Variants in RNLS observed in about 807,000 individuals in gnomAD.
RNLS encodes renalase.
A neutral mutation model predicts 39.8 loss-of-function variants in RNLS; 39 were observed. That is an observed-to-expected ratio of 0.98 (90% CI 0.76 to 1.28). The LOEUF (loss-of-function observed/expected upper bound fraction) is 1.28. Among genes scored for constraint, RNLS ranks in the 50% most tolerant of loss-of-function variants. The pLI, the probability that RNLS is intolerant of heterozygous loss-of-function variation, is 0.00. For synonymous variants in RNLS, 147 were observed against 150.7 expected (o/e 0.98, Z 0.18); for missense variants, 410 against 413.3 (o/e 0.99, Z 0.07).
chr10:88,324,037 A>T (rs142013858), intron 5 of RNLS, among the ~76,000 whole-genome samples: 354 of 152,300 alleles, frequency 2.3e-3, no homozygotes, highest in African/African-American at 7.8e-3. Context: ...ATGAGTTACC[A>T]TCTCACACCA....
intron 6 of RNLS, among the ~76,000 whole-genome samples, chr10:88,313,827 A>G (rs935004729): frequency 1.3e-5 from 2 of 152,210 alleles, no homozygotes; most frequent in Non-Finnish European, 2.9e-5. Flanking sequence ...TTTTTCTATG[A>G]ATACTCACTT....
At chr10:88,532,630 G>T (rs1038178187) in intron 4 of RNLS, among the ~76,000 whole-genome samples, 4 of 152,014 alleles carry the variant, frequency 2.6e-5, no homozygotes, top group African/African-American at 9.7e-5. Context: ...TGGTAGATCA[G>T]ATATGTACTC....
chr10:88,503,814 T>C (rs1845634695), intron 4 of RNLS, among the ~76,000 whole-genome samples: 2 of 152,216 alleles, frequency 1.3e-5, no homozygotes, highest in African/African-American at 2.4e-5. Context: ...GACTCACTTC[T>C]AGTTTATAAA....
intron 4 of RNLS, among the ~76,000 whole-genome samples, chr10:88,386,175 A>G (rs766608451): frequency 6.6e-6 from 1 of 152,218 alleles, no homozygotes; most frequent in Non-Finnish European, 1.5e-5. Context: ...AACAAAAAAT[A>G]TAATTTAACA....
intron 5 of RNLS, among the ~76,000 whole-genome samples, chr10:88,319,002 C>T (rs1251554991): frequency 6.6e-6 from 1 of 152,210 alleles, no homozygotes; most frequent in Non-Finnish European, 1.5e-5. Flanking sequence ...TTGAACTCCA[C>T]CACCAAATAA....
At chr10:88,314,300 A>C (rs1845592602) in intron 6 of RNLS, among the ~76,000 whole-genome samples, 166 bp downstream of exon 6, 1 of 152,336 alleles carries the variant, frequency 6.6e-6, no homozygotes, top group South Asian at 2.1e-4. Context: ...GCAGGACCAT[A>C]AAACCCATAG....
chr10:88,267,764 C>A, the RNLS span, among the ~76,000 whole-genome samples: 1 of 152,074 alleles, frequency 6.6e-6, no homozygotes, highest in Non-Finnish European at 1.5e-5. Flanking sequence ...TGGCCAATGG[C>A]AGAAAGGCTC....
Position 88,549,867 on chromosome 10 carries a change from T to C in RNLS, c.526+23036A>G, listed in dbSNP as rs139343046. On this transcript the variant is annotated intron_variant, in intron 4 of 6. Coordinates refer to ENST00000331772, the MANE Select transcript of RNLS (RefSeq NM_001031709.3). The stretch of plus-strand genomic sequence containing the variant: ...AAATCTGTTTTTTAAAACTTCTCCA[T>C]GTATAAAATATTATTAGATTTAAAA... Among the ~76,000 whole-genome samples, 23 of 152,350 alleles carry C rather than the reference T, an allele frequency of 1.5e-4. No homozygotes were observed. The East Asian group carries it at 3.7e-3, about 24-fold the overall frequency.
At chr10:88,495,476 A>G (rs1015967191) in intron 4 of RNLS, among the ~76,000 whole-genome samples, 3 of 152,194 alleles carry the variant, frequency 2.0e-5, no homozygotes, top group African/African-American at 7.2e-5. Flanking sequence ...TTCAGATATT[A>G]TCTTTGTAAA....
intron 4 of RNLS, among the ~76,000 whole-genome samples, chr10:88,500,107 T>A (rs1280231236): frequency 1.3e-5 from 2 of 152,148 alleles, no homozygotes; most frequent in Non-Finnish European, 2.9e-5. Context: ...TAACGGTGTT[T>A]ACTAAGCAGG....
intron 5 of RNLS, among the ~76,000 whole-genome samples, chr10:88,334,954 T>C (rs749932949): frequency 6.6e-6 from 1 of 152,192 alleles, no homozygotes; most frequent in Admixed American, 6.5e-5. Flanking sequence ...ATGTAGTTAA[T>C]TAACAAATTA....
At chr10:88,565,233 T>C (rs1316918943) in intron 4 of RNLS, among the ~76,000 whole-genome samples, 2 of 152,186 alleles carry the variant, frequency 1.3e-5, no homozygotes, top group African/African-American at 4.8e-5. Context: ...CAGTCCTCTC[T>C]AGTTTAGATT....
At chr10:88,275,225 A>C (rs1564655126) in intron 6 of RNLS, among the ~76,000 whole-genome samples, 1 of 151,990 alleles carries the variant, frequency 6.6e-6, no homozygotes. Flanking sequence ...CCCATTTTAC[A>C]TTCTTTATCC....
At chr10:88,277,879 TAG>T (rs1172365466) in intron 6 of RNLS, among the ~76,000 whole-genome samples, 2 of 152,194 alleles carry the variant, frequency 1.3e-5, no homozygotes, top group African/African-American at 4.8e-5. Flanking sequence ...TCCTTTAAGG[TAG>T]TATCCCGTTT....
chr10:88,318,264 ACCCTT>A (rs1845914663), intron 5 of RNLS, among the ~76,000 whole-genome samples: 1 of 152,112 alleles, frequency 6.6e-6, no homozygotes, highest in Non-Finnish European at 1.5e-5. Flanking sequence ...TGGAGATCTC[ACCCTT>A]GGTGGGCTGC....
rs1390381226 is a variant in RNLS, at chr10:88,285,524, G to A, written c.877-18C>T. On this transcript the variant is annotated intron_variant, in intron 6 of 6. Coordinates refer to ENST00000331772, the MANE Select transcript of RNLS (RefSeq NM_001031709.3). Reference sequence around the variant, plus strand: ...TTTGTAACCTGAAAAAGTAAAAAGAGGATTGCAATTGACATTCTGTGCTCT... The same window carrying A: ...TTTGTAACCTGAAAAAGTAAAAAGAAGATTGCAATTGACATTCTGTGCTCT... 6.2e-7 allele frequency: 1 copy of A among 1,608,376 alleles called. No individual in the cohort carries two copies. The highest frequency in any genetic ancestry group is 8.5e-7 in the Non-Finnish European group (1 of 1,175,534).
At chr10:88,356,012 CT>C (rs1402837501) in intron 5 of RNLS, among the ~76,000 whole-genome samples, 1 of 152,242 alleles carries the variant, frequency 6.6e-6, no homozygotes, top group Admixed American at 6.5e-5. Context: ...ATGGGACCCT[CT>C]GATCCTTGCG....
At chr10:88,285,575 C>A in intron 6 of RNLS, 69 bp from the exon 7 acceptor site, 2 of 1,357,150 alleles carry the variant, frequency 1.5e-6, no homozygotes, top group Non-Finnish European at 2.1e-6. Context: ...CAACACCCAC[C>A]TGGAAAAGGT....
chr10:88,509,319 GAAA>G (rs1845961221), intron 4 of RNLS, among the ~76,000 whole-genome samples: 2 of 152,086 alleles, frequency 1.3e-5, no homozygotes, highest in Non-Finnish European at 2.9e-5. Flanking sequence ...AACTCCATCT[GAAA>G]ATGGACTGCA....
Sources: allele counts gnomAD v4.1 joint callset (sites outside exome capture counted in the v4.1 genomes callset), GRCh38; gene constraint gnomAD v4.1.1; transcripts MANE v1.5; gene names NCBI Gene and HGNC (gene_info 2026-07-23, HGNC 2026-07-21).